BRINP3: variants seen among roughly 807,000 people sequenced by gnomAD.
The protein encoded by BRINP3 is BMP/retinoic acid inducible neural specific 3, also known as BMP/retinoic acid-inducible neural-specific protein 3.
In BRINP3, 19 loss-of-function variants were observed where a neutral mutation model predicts 71.0. That is an observed-to-expected ratio of 0.27 (90% CI 0.19 to 0.39). The LOEUF (loss-of-function observed/expected upper bound fraction) is 0.39, where lower values mean the gene tolerates loss of function less well. Ranked by LOEUF, BRINP3 falls within the 10% of genes least tolerant of loss-of-function variation. The pLI, the probability that BRINP3 is intolerant of heterozygous loss-of-function variation, is 1.00. For synonymous variants in BRINP3, 380 were observed against 337.7 expected (o/e 1.13, Z -1.37); for missense variants, 959 against 940.8 (o/e 1.02, Z -0.25).
At chr1:190,140,723 G>T (rs896411631) in intron 7 of BRINP3, among the ~76,000 whole-genome samples, 1 of 152,092 alleles carries the variant, frequency 6.6e-6, no homozygotes, top group African/African-American at 2.4e-5. Flanking sequence ...CATAAACATT[G>T]AACTAGTCAC....
intron 2 of BRINP3, among the ~76,000 whole-genome samples, chr1:190,284,269 T>C (rs1429652730): frequency 6.6e-6 from 1 of 152,024 alleles, no homozygotes; most frequent in Non-Finnish European, 1.5e-5. Context: ...AAATTATGTA[T>C]CTTATGAAAT....
At chr1:190,419,690 TACACACACACAC>T (rs5779528) in intron 2 of BRINP3, among the ~76,000 whole-genome samples, 1 of 148,358 alleles carries the variant, frequency 6.7e-6, no homozygotes, top group Non-Finnish European at 1.5e-5. Context: ...TATACATTTA[TACACACACACAC>T]ACACACACAC....
intron 6 of BRINP3, among the ~76,000 whole-genome samples, chr1:190,201,371 G>A (rs1380832750): frequency 2.0e-5 from 3 of 152,140 alleles, no homozygotes; most frequent in Non-Finnish European, 4.4e-5. Flanking sequence ...TTTGAGTACT[G>A]TTAAAGGCAT....
intron 7 of BRINP3, among the ~76,000 whole-genome samples, chr1:190,133,191 T>A (rs1360695731): frequency 1.3e-5 from 2 of 152,132 alleles, no homozygotes; most frequent in Admixed American, 1.3e-4. Context: ...AACTAGCATT[T>A]TATAGATTAT....
intron 3 of BRINP3, among the ~76,000 whole-genome samples, chr1:190,270,820 T>C (rs1242873598): frequency 2.0e-5 from 3 of 151,716 alleles, no homozygotes; most frequent in Non-Finnish European, 4.4e-5. Context: ...CCCAGATGAT[T>C]ACACTTGGAA....
At chr1:190,310,779 C>A (rs1249631724) in intron 2 of BRINP3, among the ~76,000 whole-genome samples, 2 of 151,700 alleles carry the variant, frequency 1.3e-5, no homozygotes, top group Non-Finnish European at 3.0e-5. Flanking sequence ...CTTTTAATTG[C>A]TCATCTTTCA....
intron 4 of BRINP3, among the ~76,000 whole-genome samples, chr1:190,258,237 T>G (rs1363631825): frequency 2.0e-5 from 3 of 152,074 alleles, no homozygotes; most frequent in Non-Finnish European, 4.4e-5. Flanking sequence ...CAGGTCAATC[T>G]CAGTCTGCTG....
chr1:190,383,020 C>T (rs1180836216), intron 2 of BRINP3, among the ~76,000 whole-genome samples: 1 of 152,094 alleles, frequency 6.6e-6, no homozygotes, highest in African/African-American at 2.4e-5. Context: ...TGTGTCTTCA[C>T]AGTGGTGCAG....
Position 190,277,899 on chromosome 1 carries a change from C to T in BRINP3, c.427+3661G>A, listed in dbSNP as rs369360101. ...ATAGAAGCAAACTGAATTACTATAT[C>T]GATAAACAGTCTGGTAGCTATAAAA... On this transcript the variant is annotated intron_variant, in intron 3 of 7. Transcript: ENST00000367462. Among the ~76,000 whole-genome samples the T allele has an allele frequency of 5.3e-5, 8 of 151,302 alleles. No homozygotes were observed. In the East Asian group the frequency reaches 9.7e-4, roughly 18 times the overall value.
In BRINP3 at chr1:190,108,041, A is replaced by G. The variant is rs547311614; in HGVS notation, c.1185-8907T>C. 8.1e-4 allele frequency among the ~76,000 whole-genome samples: 123 copies of G among 152,136 alleles called. 3 individuals are homozygous for G. Among genetic ancestry groups the G allele is most frequent in the African/African-American group, 2.9e-3 (120 of 41,538 alleles). ...GGTCATCTTTAAAATGCTAATGTAG[A>G]TGGAGATACTGGAGCTGAATAGTTG... is the stretch of plus-strand genomic sequence containing the variant. On this transcript the variant is annotated intron_variant, in intron 7 of 7. Coordinates refer to ENST00000367462, the MANE Select transcript of BRINP3 (RefSeq NM_199051.3).
At chr1:190,330,359 G>A (rs1427382364) in intron 2 of BRINP3, among the ~76,000 whole-genome samples, 1 of 151,814 alleles carries the variant, frequency 6.6e-6, no homozygotes, top group East Asian at 1.9e-4. Flanking sequence ...ACATACAAGT[G>A]GCCAACAAAT....
At chr1:190,380,711 A>G (rs1670492915) in intron 2 of BRINP3, among the ~76,000 whole-genome samples, 1 of 152,162 alleles carries the variant, frequency 6.6e-6, no homozygotes, top group South Asian at 2.1e-4. Context: ...CTACAGGCAG[A>G]GTATACTTCA....
intron 2 of BRINP3, among the ~76,000 whole-genome samples, chr1:190,293,496 C>T (rs946860288): frequency 1.1e-4 from 17 of 152,116 alleles, no homozygotes; most frequent in Admixed American, 1.0e-3. Flanking sequence ...TATTCTGCAG[C>T]AGTTTGAGTG....
chr1:190,119,273 TTTA>T (rs141834144), intron 7 of BRINP3, among the ~76,000 whole-genome samples: 86,072 of 149,926 alleles, frequency 0.57, 25,567 homozygotes, highest in African/African-American at 0.74. Context: ...TTATTTTTAT[TTTA>T]TTATTATTAT....
At chr1:190,467,081 A>G (rs1349004202) in intron 1 of BRINP3, among the ~76,000 whole-genome samples, 2 of 151,502 alleles carry the variant, frequency 1.3e-5, no homozygotes, top group Non-Finnish European at 3.0e-5. Context: ...TTAATACCCT[A>G]CATAGAAAAT....
In BRINP3 at chr1:190,226,085, A is replaced by T. The variant is rs1657349155; in HGVS notation, c.958T>A (p.Ser320Thr). ...TATATTAAAATACATGTCTTACCTG[A>T]TTCCTCAAAGTCACTGTTGTAAGCT... ...WKAYNSDFEE[S>T]DEFKLFMKRL... Residue 320 changes from serine to threonine, a missense_variant, in exon 6 of 8, where the codon TCA (serine) becomes ACA (threonine). Coordinates refer to ENST00000367462, the MANE Select transcript of BRINP3 (RefSeq NM_199051.3). 5 of 1,573,048 alleles carry T rather than the reference A, an allele frequency of 3.2e-6. No individual in the cohort carries two copies. Among genetic ancestry groups the T allele is most frequent in the Non-Finnish European group, 4.3e-6 (5 of 1,155,322 alleles).
chr1:190,176,416 C>A (rs1363349434), intron 6 of BRINP3, among the ~76,000 whole-genome samples: 3 of 152,106 alleles, frequency 2.0e-5, no homozygotes, highest in Non-Finnish European at 4.4e-5. Flanking sequence ...ATAACCACAA[C>A]AAACATAACC....
chr1:190,271,557 C>G (rs1309580705), intron 3 of BRINP3, among the ~76,000 whole-genome samples: 1 of 151,386 alleles, frequency 6.6e-6, no homozygotes, highest in African/African-American at 2.4e-5. Context: ...GTAAATTTAG[C>G]TAGTTTATCT....
intron 2 of BRINP3, among the ~76,000 whole-genome samples, chr1:190,439,967 T>C (rs927663823): frequency 6.6e-6 from 1 of 151,964 alleles, no homozygotes; most frequent in Non-Finnish European, 1.5e-5. Flanking sequence ...ATACTTTGAA[T>C]AACCACTTTA....
Sources: gnomAD v4.1 joint callset for allele counts (sites outside exome capture counted in the v4.1 genomes callset) on GRCh38, gnomAD v4.1.1 for gene constraint, MANE v1.5 for transcripts, NCBI Gene and HGNC (gene_info 2026-07-23, HGNC 2026-07-21) for gene names.